Variants in ARB2A observed in about 807,000 individuals in gnomAD.
ARB2A encodes ARB2 cotranscriptional regulator A.
chr5:93,926,751 AAAG>A, the ARB2A span, among the ~76,000 whole-genome samples: 6 of 152,066 alleles, frequency 3.9e-5, no homozygotes, highest in Middle Eastern at 3.4e-3. Flanking sequence ...ATGTGATTTG[AAAG>A]AAGATTTTTT....
chr5:93,635,610 T>C, the ARB2A span, among the ~76,000 whole-genome samples: 4 of 152,092 alleles, frequency 2.6e-5, no homozygotes, highest in East Asian at 5.8e-4. Flanking sequence ...TAGCTAATTT[T>C]TGTATTTTTG....
the ARB2A span, chr5:93,619,306 T>C: frequency 4.6e-5 from 7 of 152,228 alleles, no homozygotes; most frequent in African/African-American, 1.7e-4. Context: ...TTGATTTTGC[T>C]TAAGTAACAC....
chr5:93,909,093 C>T, the ARB2A span, among the ~76,000 whole-genome samples: 18 of 150,840 alleles, frequency 1.2e-4, no homozygotes, highest in East Asian at 3.5e-3. Flanking sequence ...AAGAAGTATA[C>T]CTATAAATTT....
At chr5:93,989,247 C>T in the ARB2A span, among the ~76,000 whole-genome samples, 1 of 151,980 alleles carries the variant, frequency 6.6e-6, no homozygotes, top group African/African-American at 2.4e-5. Flanking sequence ...TAAAGTTGTG[C>T]AAAATACTTT....
At chr5:93,701,643 C>T in the ARB2A span, among the ~76,000 whole-genome samples, 1 of 151,954 alleles carries the variant, frequency 6.6e-6, no homozygotes, top group African/African-American at 2.4e-5. Flanking sequence ...TAGGTGCGAT[C>T]CACTAGCCAA....
the ARB2A span, among the ~76,000 whole-genome samples, chr5:93,857,044 C>G: frequency 6.6e-6 from 1 of 152,160 alleles, no homozygotes; most frequent in Non-Finnish European, 1.5e-5. Flanking sequence ...TGCTAGAGGT[C>G]CACTCCAGAC....
At chr5:93,723,980 C>A in the ARB2A span, among the ~76,000 whole-genome samples, 3 of 151,992 alleles carry the variant, frequency 2.0e-5, no homozygotes, top group African/African-American at 7.2e-5. Context: ...AGAGTCATAA[C>A]TGAATTATTG....
At chr5:94,043,224 T>C in the ARB2A span, among the ~76,000 whole-genome samples, 59 of 152,258 alleles carry the variant, frequency 3.9e-4, no homozygotes, top group South Asian at 1.7e-3. Flanking sequence ...AGGATTTAAC[T>C]GAATAGACTG....
At chr5:93,627,890 G>A in the ARB2A span, among the ~76,000 whole-genome samples, 15 of 152,006 alleles carry the variant, frequency 9.9e-5, no homozygotes, top group African/African-American at 3.6e-4. Flanking sequence ...CAAGTGTACT[G>A]TCAAGGAGTG....
At chr5:93,909,006 T>C in the ARB2A span, among the ~76,000 whole-genome samples, 2 of 150,900 alleles carry the variant, frequency 1.3e-5, no homozygotes, top group Non-Finnish European at 3.0e-5. Flanking sequence ...AATCTGAAAT[T>C]TTTTTCTGAC....
At chr5:93,626,300 T>A in the ARB2A span, among the ~76,000 whole-genome samples, 22 of 152,274 alleles carry the variant, frequency 1.4e-4, no homozygotes, top group African/African-American at 5.3e-4. Context: ...CATACACACA[T>A]ACTAATCAGA....
chr5:94,023,525 C>T, the ARB2A span, among the ~76,000 whole-genome samples: 1 of 152,166 alleles, frequency 6.6e-6, no homozygotes, highest in Non-Finnish European at 1.5e-5. Flanking sequence ...GTCATGTTTG[C>T]CAACACCACC....
At chr5:93,968,888 G>A in the ARB2A span, among the ~76,000 whole-genome samples, 2 of 152,124 alleles carry the variant, frequency 1.3e-5, no homozygotes, top group South Asian at 4.1e-4. Context: ...CAAGAAGACA[G>A]AGGAGGGAAT....
At chr5:93,778,139 G>A in the ARB2A span, among the ~76,000 whole-genome samples, 2 of 152,046 alleles carry the variant, frequency 1.3e-5, no homozygotes, top group African/African-American at 4.8e-5. Flanking sequence ...AAGCTTGATG[G>A]TTTAAAATGG....
At chr5:93,897,677 T>G in the ARB2A span, among the ~76,000 whole-genome samples, 2 of 151,922 alleles carry the variant, frequency 1.3e-5, no homozygotes, top group African/African-American at 4.8e-5. Flanking sequence ...TTCAAAGGAA[T>G]AGTAATTCTG....
the ARB2A span, among the ~76,000 whole-genome samples, chr5:94,106,241 A>G: frequency 6.6e-6 from 1 of 152,102 alleles, no homozygotes; most frequent in Non-Finnish European, 1.5e-5. Flanking sequence ...GCATCCTACA[A>G]AGGTCCCATA....
At chr5:93,969,685 A>G in the ARB2A span, among the ~76,000 whole-genome samples, 1 of 152,102 alleles carries the variant, frequency 6.6e-6, no homozygotes, top group Admixed American at 6.5e-5. Flanking sequence ...TTCTCTATGG[A>G]GCACTTCCAA....
chr5:94,040,252 C>T, the ARB2A span, among the ~76,000 whole-genome samples: 2 of 152,126 alleles, frequency 1.3e-5, no homozygotes, highest in Non-Finnish European at 2.9e-5. Flanking sequence ...TGTACAGGAT[C>T]GTGGGACATG....
chr5:93,942,259 TA>T, the ARB2A span, among the ~76,000 whole-genome samples: 2 of 152,206 alleles, frequency 1.3e-5, no homozygotes, highest in Non-Finnish European at 2.9e-5. Flanking sequence ...TGGCCTCGTA[TA>T]CCTTGTCAAT....
Sources: gnomAD v4.1 joint callset for allele counts (sites outside exome capture counted in the v4.1 genomes callset) on GRCh38, gnomAD v4.1.1 for gene constraint, MANE v1.5 for transcripts, NCBI Gene and HGNC (gene_info 2026-07-23, HGNC 2026-07-21) for gene names.